ADCY5: variants seen among roughly 807,000 people sequenced by gnomAD.
ADCY5 encodes the protein adenylate cyclase type 5.
In ADCY5, 30 loss-of-function variants were observed where a neutral mutation model predicts 119.7. The observed-to-expected ratio is 0.25, with a 90% CI of 0.19 to 0.34. The LOEUF (loss-of-function observed/expected upper bound fraction) is 0.34, where lower values mean the gene tolerates loss of function less well. Among genes scored for constraint, ADCY5 ranks in the 10% least tolerant of loss-of-function variants. The pLI is 1.00. For missense variants in ADCY5, 1,324 were observed against 1,775.2 expected, an observed-to-expected ratio of 0.75 and a Z score of 4.57; for synonymous variants, 753 against 762.2, an observed-to-expected ratio of 0.99 and a Z score of 0.20.
At chr3:123,385,863 G>A (rs1944203331) in intron 1 of ADCY5, among the ~76,000 whole-genome samples, 2 of 152,046 alleles carry the variant, frequency 1.3e-5, no homozygotes, top group African/African-American at 4.8e-5. Flanking sequence ...GACTTCTTTC[G>A]TGGACAGGCT....
At chr3:123,425,265 T>C (rs1168721799) in intron 1 of ADCY5, among the ~76,000 whole-genome samples, 1 of 152,204 alleles carries the variant, frequency 6.6e-6, no homozygotes, top group Non-Finnish European at 1.5e-5. Context: ...ACTCCAGGCA[T>C]GGGTCCTGCC....
intron 12 of ADCY5, 110 bp from the exon 13 acceptor site, chr3:123,304,293 C>T: frequency 1.4e-6 from 1 of 728,006 alleles, no homozygotes; most frequent in Middle Eastern, 3.7e-4. Context: ...TGTCTCTCCC[C>T]AGCATGACCC....
intron 12 of ADCY5, among the ~76,000 whole-genome samples, chr3:123,306,915 AAG>A (rs1205671050): frequency 6.6e-6 from 1 of 152,270 alleles, no homozygotes; most frequent in African/African-American, 2.4e-5. Context: ...TTCAGGCATA[AAG>A]AGAGTAAAGT....
chr3:123,301,573 T>G (rs1442101931), intron 14 of ADCY5, among the ~76,000 whole-genome samples: 1 of 151,716 alleles, frequency 6.6e-6, no homozygotes, highest in African/African-American at 2.4e-5. Flanking sequence ...CTGTGAGGAG[T>G]TGCTGAATCA....
At chr3:123,284,962 G>A (rs1345292822) in intron 20 of ADCY5, among the ~76,000 whole-genome samples, 3 of 152,240 alleles carry the variant, frequency 2.0e-5, no homozygotes, top group African/African-American at 4.8e-5. Flanking sequence ...GCACCTGCTC[G>A]TGCCAGGCAC....
At chr3:123,408,509 AGCTG>A (rs1232618727) in intron 1 of ADCY5, among the ~76,000 whole-genome samples, 1 of 151,716 alleles carries the variant, frequency 6.6e-6, no homozygotes, top group Non-Finnish European at 1.5e-5. Context: ...TACAAAAATT[AGCTG>A]GGCACAGTGG....
intron 19 of ADCY5, among the ~76,000 whole-genome samples, chr3:123,287,401 C>T (rs528865004): frequency 8.5e-5 from 13 of 152,314 alleles, no homozygotes; most frequent in African/African-American, 2.9e-4. Context: ...CCTCCTGAAG[C>T]GTTCTCTCTC....
chr3:123,297,206 G>C lies in ADCY5; in HGVS notation c.2930+147C>G. On this transcript the variant is annotated intron_variant, in intron 16 of 20. Transcript: ENST00000462833. ...CCCCCGAGGACGCCTTGCTACCCCA[G>C]GAGGAACCAGCCTCCCTGTCCTGTT... 2.2e-6 allele frequency: 3 copies of C among 1,373,824 alleles called. No individual in the cohort carries two copies. In the South Asian group the frequency reaches 3.5e-5, roughly 16 times the overall value. The allele number at this position is 1,373,824 out of a possible 1,614,324, so 85.1% of individuals were successfully genotyped here.
intron 17 of ADCY5, among the ~76,000 whole-genome samples, chr3:123,292,592 C>A (rs1172531379): frequency 6.6e-6 from 1 of 152,170 alleles, no homozygotes; most frequent in African/African-American, 2.4e-5. Flanking sequence ...TGTCTTCTTG[C>A]CAAGCCTTCC....
Position 123,286,767 on chromosome 3 carries a change from C to A in ADCY5, c.3575G>T (p.Arg1192Leu). ...GCCCCAGATGTCGTACTGAGGCTTT[C>A]GTGCCCCTATCACCCCGGCCACCAC... ...GPVVAGVIGARKPQYDIWGNT... is the reference protein window; with the variant it reads ...GPVVAGVIGALKPQYDIWGNT... The change falls in exon 20 of 21, where the codon CGA becomes CTA. Residue 1192 changes from arginine (R) to leucine (L), a missense_variant. By Grantham distance (102) the Arg-to-Leu change is moderately radical (BLOSUM62 -2). Coordinates refer to ENST00000462833, the MANE Select transcript of ADCY5 (RefSeq NM_183357.3). The surrounding 1 kb of genome is among the most constrained non-coding windows in gnomAD (Gnocchi z 4.2). 1 of 1,613,214 alleles carries A rather than the reference C, an allele frequency of 6.2e-7. No individual in the cohort carries two copies. The highest frequency in any genetic ancestry group is 8.5e-7 in the Non-Finnish European group (1 of 1,179,562).
chr3:123,374,140 G>A (rs995983330), intron 1 of ADCY5, among the ~76,000 whole-genome samples: 1 of 152,182 alleles, frequency 6.6e-6, no homozygotes, highest in Non-Finnish European at 1.5e-5. Flanking sequence ...AGGCATCAGG[G>A]AGGGGGTAAG....
Position 123,448,749 on chromosome 3 carries a change from G to C in ADCY5, c.-204C>G, listed in dbSNP as rs1945877648. 2 of 419,942 alleles carry C rather than the reference G, an allele frequency of 4.8e-6. No homozygotes were observed. The highest frequency in any genetic ancestry group is 7.1e-5 in the East Asian group (2 of 28,034). The allele number at this position is 419,942 out of a possible 1,614,324, so 26.0% of individuals were successfully genotyped here. ...CACAGCCCCGAGGTGAGAAGTAGCT[G>C]AGGATCCGCGTCAGAAGTCCCAGGT... On this transcript the variant is annotated 5_prime_UTR_variant, in exon 1 of 21. Coordinates refer to ENST00000462833, the MANE Select transcript of ADCY5 (RefSeq NM_183357.3).
intron 19 of ADCY5, among the ~76,000 whole-genome samples, chr3:123,289,122 T>C (rs1938971559): frequency 6.6e-6 from 1 of 152,258 alleles, no homozygotes; most frequent in Non-Finnish European, 1.5e-5. Flanking sequence ...CACATGATTC[T>C]TTAAATGTTT....
At chr3:123,371,902 G>C (rs1409217930) in intron 1 of ADCY5, among the ~76,000 whole-genome samples, 3 of 152,224 alleles carry the variant, frequency 2.0e-5, no homozygotes, top group Admixed American at 6.5e-5. Context: ...GGGCAGGGGA[G>C]AGGGGAGTGA....
At chr3:123,391,069 G>C (rs1015282578) in intron 1 of ADCY5, among the ~76,000 whole-genome samples, 4 of 152,248 alleles carry the variant, frequency 2.6e-5, no homozygotes, top group African/African-American at 9.6e-5. Flanking sequence ...GGGGCTTGGG[G>C]GCCGCCCAGC....
At chr3:123,432,926 C>T (rs1306118647) in intron 1 of ADCY5, among the ~76,000 whole-genome samples, 3 of 152,120 alleles carry the variant, frequency 2.0e-5, no homozygotes, top group Non-Finnish European at 4.4e-5. Flanking sequence ...CCAGAGGGAC[C>T]CCTTCCTGCC....
At chr3:123,293,969 C>T (rs551647365) in intron 17 of ADCY5, among the ~76,000 whole-genome samples, 24 of 152,130 alleles carry the variant, frequency 1.6e-4, no homozygotes, top group Non-Finnish European at 3.2e-4. Flanking sequence ...CCTGCGATCG[C>T]GTGTGTTGGA....
At position 123,330,876 on chromosome 3, in the gene ADCY5, G is replaced by A. The variant is rs778736552; in HGVS notation, c.1646+13C>T. The A allele has an allele frequency of 1.9e-6, 3 of 1,605,040 alleles. No individual in the cohort carries two copies. Among genetic ancestry groups the A allele is most frequent in the South Asian group, 1.1e-5 (1 of 90,020 alleles). ...CCAGGGAGGGAGACGGTACCCGGGG[G>A]GTGGACACTTACGAGATGGCCTCGA... On this transcript the variant is annotated intron_variant, in intron 5 of 20. Coordinates refer to ENST00000462833, the MANE Select transcript of ADCY5 (RefSeq NM_183357.3).
chr3:123,354,785 G>A (rs1302357316), intron 1 of ADCY5, among the ~76,000 whole-genome samples: 1 of 152,190 alleles, frequency 6.6e-6, no homozygotes, highest in Non-Finnish European at 1.5e-5. Flanking sequence ...TCCCAGGAAT[G>A]AAGGCTAGTT....
Sources: gnomAD v4.1 joint callset for allele counts (sites outside exome capture counted in the v4.1 genomes callset) on GRCh38, gnomAD v4.1.1 for gene constraint, Gnocchi (gnomAD v3.1) non-coding constraint, MANE v1.5 for transcripts, NCBI Gene and HGNC (gene_info 2026-07-23, HGNC 2026-07-21) for gene names.